The following CLASP2 variants were observed in gnomAD, a reference collection of about 807,000 sequenced individuals.
CLASP2 encodes cytoplasmic linker associated protein 2, also known as CLIP-associating protein 2.
A neutral mutation model predicts 194.4 loss-of-function variants in CLASP2; 47 were observed. The ratio of observed to expected loss-of-function variants is 0.24; its 90% CI spans 0.19 to 0.31. The LOEUF (loss-of-function observed/expected upper bound fraction) is 0.31, where lower values mean the gene tolerates loss of function less well. Among genes scored for constraint, CLASP2 ranks in the 10% least tolerant of loss-of-function variants. The pLI is 1.00. For synonymous variants in CLASP2, 619 were observed against 633.5 expected (o/e 0.98, Z 0.34); for missense variants, 1,445 against 1,823.6 (o/e 0.79, Z 3.78).
chr3:33,713,859 T>C (rs1355660070), intron 1 of CLASP2, among the ~76,000 whole-genome samples: 4 of 152,104 alleles, frequency 2.6e-5, no homozygotes, highest in East Asian at 1.9e-4. Context: ...ACTTACTCTA[T>C]GGTTGCAGAT....
In CLASP2 at chr3:33,581,860, T is replaced by C; in HGVS notation, c.2308A>G (p.Ser770Gly). The C allele has an allele frequency of 6.2e-7, 1 of 1,613,770 alleles. No individual in the cohort carries two copies. The highest frequency in any genetic ancestry group is 8.5e-7 in the Non-Finnish European group (1 of 1,179,786). The change falls in exon 23 of 39, where the codon AGC becomes GGC. Residue 770 changes from serine (S) to glycine (G), a missense_variant. This residue lies in a region of CLASP2 where 732 missense variants were observed against 987.9 expected (regional missense o/e 0.74). Transcript: ENST00000682230. ...GCSREASRES[S>G]RDTSPVRSFQ... ...GAGCGAACAGGACTTGTGTCTCTGC[T>C]GCTCTCCCGACTAGCTTCCCGGCTG...
chr3:33,674,281 T>A (rs1164678790), intron 6 of CLASP2, among the ~76,000 whole-genome samples: 1 of 152,020 alleles, frequency 6.6e-6, no homozygotes, highest in Non-Finnish European at 1.5e-5. Flanking sequence ...AACTCAGCAT[T>A]AAGAAACTCA....
intron 29 of CLASP2, among the ~76,000 whole-genome samples, chr3:33,553,028 G>A (rs1576341356): frequency 6.6e-6 from 1 of 152,112 alleles, no homozygotes; most frequent in Non-Finnish European, 1.5e-5. Flanking sequence ...CTTAGAATAA[G>A]GAAGGTTTAA....
intron 10 of CLASP2, among the ~76,000 whole-genome samples, chr3:33,623,017 C>T (rs2077362293): frequency 6.6e-6 from 1 of 152,084 alleles, no homozygotes; most frequent in South Asian, 2.1e-4. Flanking sequence ...CTGTGTTGGC[C>T]AGGCTGATCT....
chr3:33,699,847 G>A (rs2092243484), intron 1 of CLASP2, among the ~76,000 whole-genome samples: 2 of 136,744 alleles, frequency 1.5e-5, no homozygotes, highest in Admixed American at 7.6e-5. Flanking sequence ...ACCGTAGAAA[G>A]CAAAACCACA....
rs1001424736 is a variant in CLASP2 at position 33,556,937 on chromosome 3, C to A, written c.3009+2370G>T. On this transcript the variant is annotated intron_variant, in intron 29 of 38. Transcript: ENST00000682230. ...GTCTTTCTCTTCAAGTCTCCTGCAA[C>A]TTATTCTCTCTGAACTCAACTATCA... 4.6e-5 allele frequency among the ~76,000 whole-genome samples: 7 copies of A among 152,038 alleles called. 1 individual carries two copies. The highest frequency in any genetic ancestry group is 4.6e-4 in the Admixed American group (7 of 15,244).
rs1375457974 is a variant in CLASP2 at position 33,619,604 on chromosome 3, C to T, written c.1316G>A (p.Arg439Gln). The change falls in exon 12 of 39, where the codon CGG (arginine) becomes CAG (glutamine). Residue 439 changes from arginine (R) to glutamine (Q), a missense_variant and splice_region_variant. This residue lies in a region of CLASP2 where 207 missense variants were observed against 331.4 expected (regional missense o/e 0.62). Transcript: ENST00000682230. ...SGCAAIRFII[R>Q]HTHVPRLIPL... is the part of the protein sequence containing the mutation. ...TAGAAAACGAGAGAGCAAACCTACC[C>T]GAATGATAAATCTGATTGCTGCACA... The T allele has an allele frequency of 5.2e-6, 8 of 1,546,894 alleles. No individual in the cohort carries two copies. The highest frequency in any genetic ancestry group is 2.0e-5 in the Admixed American group (1 of 50,254).
At chr3:33,644,020 T>G (rs1055290633) in intron 8 of CLASP2, among the ~76,000 whole-genome samples, 3 of 152,088 alleles carry the variant, frequency 2.0e-5, no homozygotes, top group Non-Finnish European at 4.4e-5. Flanking sequence ...TTTTTAGAAT[T>G]AAATACCCTT....
chr3:33,691,240 A>C (rs763335677), intron 2 of CLASP2, among the ~76,000 whole-genome samples: 11 of 152,206 alleles, frequency 7.2e-5, no homozygotes, highest in Non-Finnish European at 1.6e-4. Flanking sequence ...TCTCTGAATC[A>C]ACGGAGGACT....
intron 7 of CLASP2, among the ~76,000 whole-genome samples, chr3:33,649,392 C>T (rs1196874241): frequency 6.6e-6 from 1 of 152,104 alleles, no homozygotes; most frequent in East Asian, 1.9e-4. Flanking sequence ...TCAACTTTGC[C>T]CCTGTTATAT....
chr3:33,686,136 G>A (rs913443335), intron 5 of CLASP2, among the ~76,000 whole-genome samples: 3 of 152,140 alleles, frequency 2.0e-5, no homozygotes, highest in East Asian at 1.9e-4. Context: ...CTCTGCAAAC[G>A]TCTTCAGAGC....
chr3:33,607,454 C>A lies in CLASP2; in HGVS notation c.1456G>T (p.Ala486Ser). 1 of 1,605,146 alleles carries A rather than the reference C, an allele frequency of 6.2e-7. No homozygotes were observed. The highest frequency in any genetic ancestry group is 1.1e-5 in the South Asian group (1 of 89,130). The part of the protein sequence containing the change: ...WQTHSLERHA[A>S]VLVETIKKGI... The stretch of plus-strand genomic sequence containing the variant: ...TTTTTAATAGTTTCAACCAAGACGG[C>A]TGCATGTCTATAAAATAAAATACAT... The change falls in exon 15 of 39, where the codon GCC becomes TCC. Residue 486 changes from alanine (A) to serine (S), a missense_variant. Physicochemically the swap from Ala to Ser is moderately conservative, Grantham distance 99. Around this residue, in one of 4 missense-constraint regions of CLASP2, gnomAD observed 207 missense variants for 331.4 expected, o/e 0.62. Transcript: ENST00000682230.
At chr3:33,521,813 T>C (rs1400297788) in intron 34 of CLASP2, among the ~76,000 whole-genome samples, 2 of 152,164 alleles carry the variant, frequency 1.3e-5, no homozygotes, top group Non-Finnish European at 2.9e-5. Context: ...CTAGGGAAGG[T>C]CTTGGATGGT....
At chr3:33,635,404 T>A (rs2079946729) in intron 8 of CLASP2, among the ~76,000 whole-genome samples, 1 of 152,228 alleles carries the variant, frequency 6.6e-6, no homozygotes. Flanking sequence ...AGGTTTCTTG[T>A]GGAACTTGTC....
chr3:33,505,690 C>T (rs1244130699), intron 37 of CLASP2, among the ~76,000 whole-genome samples: 2 of 152,198 alleles, frequency 1.3e-5, no homozygotes, highest in African/African-American at 4.8e-5. Context: ...TCTGAACCTA[C>T]TGATCAATCT....
At chr3:33,559,070 C>T in intron 29 of CLASP2, 2 of 599,546 alleles carry the variant, frequency 3.3e-6, no homozygotes, top group Non-Finnish European at 6.0e-6. Flanking sequence ...CAGATGCAAA[C>T]ACTGCAGAGA....
intron 38 of CLASP2, among the ~76,000 whole-genome samples, chr3:33,500,772 C>T (rs896131601): frequency 1.3e-5 from 2 of 152,108 alleles, no homozygotes; most frequent in Non-Finnish European, 2.9e-5. Flanking sequence ...AATTTGACCA[C>T]AGTAAGACAA....
intron 8 of CLASP2, among the ~76,000 whole-genome samples, chr3:33,639,101 G>A (rs144679578): frequency 2.5e-4 from 38 of 152,160 alleles, no homozygotes; most frequent in Middle Eastern, 3.4e-3. Context: ...GCTGTCACAT[G>A]GGCTGGAGCG....
intron 1 of CLASP2, among the ~76,000 whole-genome samples, chr3:33,717,076 T>C (rs2093331986): frequency 6.6e-6 from 1 of 152,186 alleles, no homozygotes; most frequent in Non-Finnish European, 1.5e-5. Context: ...CCACCAACTC[T>C]TCAGAAAGGC....
Sources: allele counts gnomAD v4.1 joint callset (sites outside exome capture counted in the v4.1 genomes callset), GRCh38; gene constraint gnomAD v4.1.1; regional missense constraint gnomAD v4.1.1; transcripts MANE v1.5; gene names NCBI Gene and HGNC (gene_info 2026-07-23, HGNC 2026-07-21).